GTF2F2: variants seen among roughly 807,000 people sequenced by gnomAD.
The protein encoded by GTF2F2 is ATP-dependent helicase GTF2F2.
Under a neutral mutation model 42.2 loss-of-function variants are expected in GTF2F2, and 23 were observed. That is an observed-to-expected ratio of 0.55 (90% confidence interval 0.39 to 0.77). The LOEUF is 0.77. GTF2F2 is among the 30% of genes least tolerant of loss of function. The probability of loss-of-function intolerance (pLI) is 0.00; values close to 1 mark genes in which losing one functional copy is unlikely to be tolerated. For synonymous variants in GTF2F2, 105 were observed against 100.8 expected (o/e 1.04, Z -0.25); for missense variants, 261 against 287.2 (o/e 0.91, Z 0.66).
Position 45,267,225 on chromosome 13 carries a change from G to C in GTF2F2, c.487-8G>C. 1 of 1,607,092 alleles carries C rather than the reference G, an allele frequency of 6.2e-7. No homozygotes were observed. Among genetic ancestry groups the C allele is most frequent in the East Asian group, 2.2e-5 (1 of 44,778 alleles). On this transcript the variant is annotated splice_region_variant and splice_polypyrimidine_tract_variant and intron_variant, in intron 6 of 7. Coordinates refer to ENST00000340473, the MANE Select transcript of GTF2F2 (RefSeq NM_004128.3). ...GATGCTTTTATTTCCTTTGCTGTTT[G>C]CATATAGATCGAATATGAAAGGAAA...
At chr13:45,245,762 C>CT (rs1875566934) in intron 5 of GTF2F2, among the ~76,000 whole-genome samples, 1 of 145,740 alleles carries the variant, frequency 6.9e-6, no homozygotes, top group Non-Finnish European at 1.5e-5. Flanking sequence ...TGTATCCACT[C>CT]TTTTTTGTAT....
intron 4 of GTF2F2, chr13:45,207,098 C>T (rs1346046645): frequency 1.5e-5 from 3 of 196,266 alleles, no homozygotes; most frequent in Non-Finnish European, 3.2e-5. Flanking sequence ...ACTTCTTTGT[C>T]AAAGACGATA....
chr13:45,252,086 CTAT>C (rs1453003816), intron 5 of GTF2F2, among the ~76,000 whole-genome samples: 1 of 152,110 alleles, frequency 6.6e-6, no homozygotes, highest in Admixed American at 6.6e-5. Flanking sequence ...TACTAGTCAG[CTAT>C]TGTTTTATAA....
chr13:45,265,704 A>G (rs1443536962), intron 6 of GTF2F2, among the ~76,000 whole-genome samples: 1 of 152,232 alleles, frequency 6.6e-6, no homozygotes, highest in Non-Finnish European at 1.5e-5. Context: ...AATATCAATA[A>G]ATCAATAGAA....
Position 45,127,938 on chromosome 13 carries a change from C to CTTTTTTT in GTF2F2, c.66+7242_66+7248dup, listed in dbSNP as rs1161627204. Among the ~76,000 whole-genome samples, 265 of 48,620 alleles carry CTTTTTTT rather than the reference C, an allele frequency of 5.5e-3. 9 individuals are homozygous for CTTTTTTT. The highest frequency in any genetic ancestry group is 6.4e-3 in the Non-Finnish European group (169 of 26,526). 31.9% of individuals were successfully genotyped at this position (48,620 alleles called of 152,430 possible). On this transcript the variant is annotated intron_variant, in intron 1 of 7. Coordinates refer to ENST00000340473, the MANE Select transcript of GTF2F2 (RefSeq NM_004128.3). ...GAGCCACTGTGCCTGGCACCCCGGC[C>CTTTTTTT]TTTTTTTTTTTTTTTTTTTTTTTTT...
At chr13:45,236,991 T>A (rs888566589) in intron 5 of GTF2F2, among the ~76,000 whole-genome samples, 21 of 152,220 alleles carry the variant, frequency 1.4e-4, no homozygotes, top group African/African-American at 5.1e-4. Context: ...TCCAATGAAA[T>A]GATTTTTTTC....
chr13:45,265,480 C>T (rs1399020816), intron 6 of GTF2F2, among the ~76,000 whole-genome samples: 3 of 152,052 alleles, frequency 2.0e-5, no homozygotes, highest in Admixed American at 6.6e-5. Context: ...CATATCTTAG[C>T]GCAATGCCTA....
intron 5 of GTF2F2, among the ~76,000 whole-genome samples, chr13:45,251,700 T>G (rs1367819510): frequency 6.6e-6 from 1 of 152,142 alleles, no homozygotes; most frequent in Non-Finnish European, 1.5e-5. Flanking sequence ...TTTTCCTTCT[T>G]ACTGAAATAA....
intron 6 of GTF2F2, among the ~76,000 whole-genome samples, chr13:45,266,507 A>C (rs975600463): frequency 6.6e-6 from 1 of 152,170 alleles, no homozygotes; most frequent in Admixed American, 6.5e-5. Flanking sequence ...TGCCTCCAAG[A>C]ACCCCACATT....
intron 5 of GTF2F2, among the ~76,000 whole-genome samples, chr13:45,247,600 G>T (rs1489158232): frequency 6.6e-6 from 1 of 151,966 alleles, no homozygotes; most frequent in Non-Finnish European, 1.5e-5. Context: ...CACCGAGTTG[G>T]CCAGGATGGT....
intron 4 of GTF2F2, among the ~76,000 whole-genome samples, chr13:45,178,348 T>C (rs1871983630): frequency 6.6e-6 from 1 of 151,948 alleles, no homozygotes; most frequent in African/African-American, 2.4e-5. Flanking sequence ...ATGCTTCTTA[T>C]TTTTTATTTC....
At chr13:45,270,610 A>G (rs368854561) in intron 7 of GTF2F2, among the ~76,000 whole-genome samples, 50 of 152,296 alleles carry the variant, frequency 3.3e-4, no homozygotes, top group African/African-American at 1.1e-3. Context: ...AATTCTTACT[A>G]CTGCCACATT....
At position 45,136,755 on chromosome 13, in the gene GTF2F2, A is replaced by G; in HGVS notation, c.89A>G (p.Gln30Arg). Residue 30 changes from glutamine to arginine, a missense_variant, in exon 2 of 8, where the codon CAA becomes CGA. Transcript: ENST00000340473. ...LVKVPKYLSQ[Q>R]WAKASGRGEV... The stretch of plus-strand genomic sequence containing the variant: ...TAGGTTCCTAAATATTTGTCACAGC[A>G]ATGGGCTAAAGCCTCTGGAAGAGGT... 1 of 1,596,270 alleles carries G rather than the reference A, an allele frequency of 6.3e-7. No homozygotes were observed. The highest frequency in any genetic ancestry group is 1.1e-5 in the South Asian group (1 of 89,986).
At chr13:45,149,633 T>G in intron 2 of GTF2F2, 137 bp from the exon 3 acceptor site, 1 of 809,018 alleles carries the variant, frequency 1.2e-6, no homozygotes, top group Non-Finnish European at 1.8e-6. Context: ...TTGTGGGGAG[T>G]CAAGGGTAAA....
intron 5 of GTF2F2, among the ~76,000 whole-genome samples, chr13:45,211,838 G>C (rs1221390963): frequency 6.7e-6 from 1 of 149,320 alleles, no homozygotes; most frequent in African/African-American, 2.5e-5. Context: ...CGCCCACCTC[G>C]GCCTCCCAAA....
At chr13:45,271,793 C>T (rs756322566) in intron 7 of GTF2F2, among the ~76,000 whole-genome samples, 7 of 152,156 alleles carry the variant, frequency 4.6e-5, no homozygotes, top group Non-Finnish European at 1.0e-4. Flanking sequence ...CTCAGGTGAT[C>T]TGCCCGTCAG....
intron 5 of GTF2F2, among the ~76,000 whole-genome samples, chr13:45,243,284 G>A (rs1470228643): frequency 6.6e-6 from 1 of 152,192 alleles, no homozygotes; most frequent in African/African-American, 2.4e-5. Context: ...CCAAACAGGT[G>A]GAGTGAGCAG....
chr13:45,130,010 G>A (rs1408576848), intron 1 of GTF2F2, among the ~76,000 whole-genome samples: 4 of 152,206 alleles, frequency 2.6e-5, no homozygotes, highest in East Asian at 1.9e-4. Flanking sequence ...GGACGTCACC[G>A]CAAATGTTCA....
In GTF2F2 at chr13:45,168,596, A is replaced by G. The variant is rs138003463; in HGVS notation, c.304+16765A>G. Among the ~76,000 whole-genome samples the G allele has an allele frequency of 1.9e-3, 284 of 152,162 alleles. 1 individual carries two copies. The East Asian group carries it at 0.039, about 21-fold the overall frequency. On this transcript the variant is annotated intron_variant, in intron 4 of 7. Transcript: ENST00000340473. ...TTCCAACCCTCAGTGTTTTCTGACA[A>G]ATAAACTACCTGAACTTTATTTATT... is the stretch of plus-strand genomic sequence containing the variant.
Sources: allele counts gnomAD v4.1 joint callset (sites outside exome capture counted in the v4.1 genomes callset), GRCh38; gene constraint gnomAD v4.1.1; transcripts MANE v1.5; gene names NCBI Gene and HGNC (gene_info 2026-07-23, HGNC 2026-07-21).